The following CELSR1 variants were observed in gnomAD, a reference collection of about 807,000 sequenced individuals.
The protein encoded by CELSR1 is adhesion G protein-coupled receptor C1.
A neutral mutation model predicts 249.1 loss-of-function variants in CELSR1; 110 were observed. That is an observed-to-expected ratio of 0.44 (90% CI 0.38 to 0.52). The LOEUF is 0.52. Ranked by LOEUF, CELSR1 falls within the 20% of genes least tolerant of loss-of-function variation. The probability of loss-of-function intolerance (pLI) is 0.00; values close to 1 mark genes in which losing one functional copy is unlikely to be tolerated. For synonymous variants in CELSR1, 2,113 were observed against 1,900.0 expected, an observed-to-expected ratio of 1.11 and a Z score of -2.92; for missense variants, 4,109 against 4,296.4, an observed-to-expected ratio of 0.96 and a Z score of 1.22.
chr22:46,366,328 G>A, intron 30 of CELSR1, 58 bp downstream of exon 30: 1 of 1,255,764 alleles, frequency 8.0e-7, no homozygotes, highest in East Asian at 3.8e-5. Context: ...GGGGTGGCAG[G>A]GGCAAAACCT....
intron 14 of CELSR1, among the ~76,000 whole-genome samples, chr22:46,392,710 G>A (rs891166214): frequency 7.2e-5 from 11 of 151,970 alleles, no homozygotes; most frequent in African/African-American, 2.7e-4. Context: ...GCAAGCATCA[G>A]CACGCTCAGC....
chr22:46,438,319 G>T (rs2147459165), intron 3 of CELSR1, among the ~76,000 whole-genome samples: 1 of 152,136 alleles, frequency 6.6e-6, no homozygotes, highest in South Asian at 2.1e-4. Context: ...AGGAGAAGGG[G>T]CTATGAAAGC....
chr22:46,384,739 CCTG>C (rs2079014696), intron 19 of CELSR1, 53 bp from the exon 20 acceptor site: 3 of 1,541,726 alleles, frequency 1.9e-6, no homozygotes, highest in Non-Finnish European at 2.6e-6. Context: ...TTCTTGAACC[CCTG>C]CTGTTTTCAA....
chr22:46,465,976 C>G (rs2080092102), intron 1 of CELSR1, among the ~76,000 whole-genome samples: 2 of 152,198 alleles, frequency 1.3e-5, no homozygotes. Flanking sequence ...GGACTCAGAA[C>G]ATGAAATTAA....
intron 1 of CELSR1, among the ~76,000 whole-genome samples, chr22:46,491,365 G>A: frequency 6.7e-6 from 1 of 148,998 alleles, no homozygotes; most frequent in East Asian, 2.0e-4. Context: ...CCAGGTTCAA[G>A]TGATTCTCCT....
rs111949315 is a variant in CELSR1, at chr22:46,382,715, C to T, written c.6884-665G>A. ...TCCGCACAATGGAATATTACTCAGCCTTCAAAAGGAGGGGAAGTCTGACAG... is the reference window on the plus strand; with the variant it reads ...TCCGCACAATGGAATATTACTCAGCTTTCAAAAGGAGGGGAAGTCTGACAG... On this transcript the variant is annotated intron_variant, in intron 20 of 34. Transcript: ENST00000674500. Among the ~76,000 whole-genome samples, 466 of 152,300 alleles carry T rather than the reference C, an allele frequency of 3.1e-3. 9 individuals carry two copies. The highest frequency in any genetic ancestry group is 0.011 in the African/African-American group (458 of 41,556).
At chr22:46,422,983 C>T (rs990895371) in intron 5 of CELSR1, among the ~76,000 whole-genome samples, 1 of 152,194 alleles carries the variant, frequency 6.6e-6, no homozygotes, top group Non-Finnish European at 1.5e-5. Context: ...TCTGCAATGC[C>T]ACCTCCTGGC....
At chr22:46,474,785 C>CTTATTTT (rs1569189753) in intron 1 of CELSR1, among the ~76,000 whole-genome samples, 1 of 45,188 alleles carries the variant, frequency 2.2e-5, no homozygotes, top group Non-Finnish European at 4.2e-5. Flanking sequence ...CTACTCTCTA[C>CTTATTTT]TTCTTTTTTT....
At position 46,500,351 on chromosome 22, in the gene CELSR1, G is replaced by A. The variant is rs1383221094; in HGVS notation, c.3544+33276C>T. ...AGATGACCTTTTATATGGAGCCGCT[G>A]ACAGCCCCCTCCCCCATGGCGCAGA... On this transcript the variant is annotated intron_variant, in intron 1 of 34. Transcript: ENST00000674500. This position sits in a 1 kb window ranked among gnomAD's most constrained non-coding sequence, Gnocchi z 4.9. 6.6e-6 allele frequency among the ~76,000 whole-genome samples: 1 copy of A among 152,194 alleles called. No individual in the cohort carries two copies. The highest frequency in any genetic ancestry group is 1.5e-5 in the Non-Finnish European group (1 of 68,040).
rs1465067043 is a variant in CELSR1, at chr22:46,441,904, T to C, written c.4184-2493A>G. On this transcript the variant is annotated intron_variant, in intron 2 of 34. Coordinates refer to ENST00000674500, the MANE Select transcript of CELSR1 (RefSeq NM_001378328.1). The surrounding 1 kb of genome is among the most constrained non-coding windows in gnomAD (Gnocchi z 6.1). Reference sequence around the variant, plus strand: ...TGGCTCACGCCTGTAACCCCAGCACTTGGGGAGGCTGAGGCGGGTAGATTA... The same window carrying C: ...TGGCTCACGCCTGTAACCCCAGCACCTGGGGAGGCTGAGGCGGGTAGATTA... Among the ~76,000 whole-genome samples the C allele has an allele frequency of 6.6e-6, 1 of 152,200 alleles. No individual in the cohort carries two copies. Among genetic ancestry groups the C allele is most frequent in the Non-Finnish European group, 1.5e-5 (1 of 68,026 alleles).
chr22:46,382,065 GA>G lies in CELSR1; in HGVS notation c.6884-16del. 1 of 1,511,054 alleles carries G rather than the reference GA, an allele frequency of 6.6e-7. No individual in the cohort carries two copies. 93.6% of individuals were successfully genotyped at this position (1,511,054 alleles called of 1,614,324 possible). ...CAGGGGGCCTTCTGCAATGTGAGCA[GA>G]AGGTGAGGACTCTGGCAGGAGCACC... On this transcript the variant is annotated splice_polypyrimidine_tract_variant and intron_variant, in intron 20 of 34. Transcript: ENST00000674500.
intron 22 of CELSR1, 83 bp from the exon 23 acceptor site, chr22:46,378,800 T>G: frequency 6.6e-7 from 1 of 1,521,656 alleles, no homozygotes; most frequent in Non-Finnish European, 8.9e-7. Context: ...TGCCCAGCCC[T>G]GGGGGCTCCC....
At position 46,391,376 on chromosome 22, in the gene CELSR1, C is replaced by T; in HGVS notation, c.6149-89G>A. Reference sequence around the variant, plus strand: ...ACCACTGTCTGCATGCGCCTCCCTGCAGGAGGCCCTGCTCCCACCAAGAAC... The same window carrying T: ...ACCACTGTCTGCATGCGCCTCCCTGTAGGAGGCCCTGCTCCCACCAAGAAC... On this transcript the variant is annotated intron_variant, in intron 15 of 34. Coordinates refer to ENST00000674500, the MANE Select transcript of CELSR1 (RefSeq NM_001378328.1). This position sits in a 1 kb window ranked among gnomAD's most constrained non-coding sequence, Gnocchi z 4.3. 8.4e-7 allele frequency: 1 copy of T among 1,184,236 alleles called. No homozygotes were observed. Among genetic ancestry groups the T allele is most frequent in the Non-Finnish European group, 1.2e-6 (1 of 823,222 alleles). The allele number at this position is 1,184,236 out of a possible 1,614,324, so 73.4% of individuals were successfully genotyped here.
intron 1 of CELSR1, among the ~76,000 whole-genome samples, chr22:46,474,184 G>A (rs1480377138): frequency 1.3e-5 from 2 of 152,142 alleles, no homozygotes; most frequent in Non-Finnish European, 2.9e-5. Context: ...AGCTCTGCCC[G>A]GGGGCAGGGC....
At chr22:46,394,074 A>G in intron 14 of CELSR1, 68 bp downstream of exon 14, 1 of 1,570,356 alleles carries the variant, frequency 6.4e-7, no homozygotes, top group South Asian at 1.2e-5. Flanking sequence ...GCGTGTGTGT[A>G]TTTAGGGGCA....
rs534012088 is a variant in CELSR1 at position 46,462,096 on chromosome 22, C to G, written c.4183+1611G>C. ...TGTGGGCTGTGGGAGGCGGGGGTCT[C>G]CCGCCGCCTCTGCCTGCCTGCCTGC... On this transcript the variant is annotated intron_variant, in intron 2 of 34. Coordinates refer to ENST00000674500, the MANE Select transcript of CELSR1 (RefSeq NM_001378328.1). Among the ~76,000 whole-genome samples the G allele has an allele frequency of 2.2e-4, 33 of 152,352 alleles. No individual in the cohort carries two copies. In the South Asian group the frequency reaches 6.6e-3, roughly 31 times the overall value.
At chr22:46,514,384 G>C (rs546261135) in intron 1 of CELSR1, among the ~76,000 whole-genome samples, 7 of 152,138 alleles carry the variant, frequency 4.6e-5, no homozygotes, top group Non-Finnish European at 8.8e-5. Context: ...CCACCCAGAC[G>C]TTTCACCAGG....
chr22:46,364,555 G>GC lies in CELSR1; in HGVS notation c.8735dup (p.Ala2913ArgfsTer6), dbSNP rs1456373416. ...GCTGGCTGCTAGCAAGCCTGGCTGC[G>GC]CCCCCGCTCTCCTGGTCCGGGGGGT... On this transcript the variant is annotated frameshift_variant, in exon 33 of 35. Transcript: ENST00000674500. LOFTEE classifies it high-confidence loss of function. 1 of 1,611,936 alleles carries GC rather than the reference G, an allele frequency of 6.2e-7. No homozygotes were observed. Among genetic ancestry groups the GC allele is most frequent in the Non-Finnish European group, 8.5e-7 (1 of 1,179,768 alleles).
At position 46,446,280 on chromosome 22, in the gene CELSR1, G is replaced by A. The variant is rs1392600313; in HGVS notation, c.4184-6869C>T. On this transcript the variant is annotated intron_variant, in intron 2 of 34. Transcript: ENST00000674500. This position sits in a 1 kb window ranked among gnomAD's most constrained non-coding sequence, Gnocchi z 5.5. ...TCTGCATGTGGCTTTCCAGTGCCTG[G>A]AGGCCACCCGCATCCCCTGGCTGTA... Among the ~76,000 whole-genome samples, 2 of 152,164 alleles carry A rather than the reference G, an allele frequency of 1.3e-5. No homozygotes were observed. Among genetic ancestry groups the A allele is most frequent in the African/African-American group, 4.8e-5 (2 of 41,426 alleles).
Sources: allele counts gnomAD v4.1 joint callset (sites outside exome capture counted in the v4.1 genomes callset), GRCh38; gene constraint gnomAD v4.1.1; non-coding constraint Gnocchi (gnomAD v3.1); transcripts MANE v1.5; gene names NCBI Gene and HGNC (gene_info 2026-07-23, HGNC 2026-07-21).